WDR45B: variants seen among roughly 807,000 people sequenced by gnomAD.
The protein encoded by WDR45B is WD repeat domain phosphoinositide-interacting protein 3.
A neutral mutation model predicts 44.6 loss-of-function variants in WDR45B; 20 were observed. That is an observed-to-expected ratio of 0.45 (90% CI 0.32 to 0.65). The LOEUF (loss-of-function observed/expected upper bound fraction) is 0.65, where lower values mean the gene tolerates loss of function less well. Ranked by LOEUF, WDR45B falls within the 30% of genes least tolerant of loss-of-function variation. The pLI is 0.05. For missense variants in WDR45B, 323 were observed against 430.2 expected (o/e 0.75, Z 2.20); for synonymous variants, 169 against 164.9 (o/e 1.02, Z -0.19).
intron 2 of WDR45B, among the ~76,000 whole-genome samples, chr17:82,641,829 C>T (rs758521243): frequency 7.3e-5 from 11 of 150,122 alleles, no homozygotes; most frequent in Non-Finnish European, 1.5e-4. Flanking sequence ...ACCCGGGAGG[C>T]GGAGCTTGCA....
At chr17:82,635,121 G>A (rs77006067) in intron 2 of WDR45B, among the ~76,000 whole-genome samples, 3,618 of 151,842 alleles carry the variant, frequency 0.024, 197 homozygotes, top group African/African-American at 0.082. Flanking sequence ...TGATCTATGC[G>A]CTTAAAAATG....
At chr17:82,638,235 G>A (rs1459645332) in intron 2 of WDR45B, among the ~76,000 whole-genome samples, 1 of 2,444 alleles carries the variant, frequency 4.1e-4, no homozygotes, top group African/African-American at 1.8e-3. Flanking sequence ...GGGAGAGGAG[G>A]GGAGGGGAGG....
rs892757713 is a variant in WDR45B at position 82,648,313 on chromosome 17, C to A, written c.28G>T (p.Gly10Cys). 41 of 1,606,866 alleles carry A rather than the reference C, an allele frequency of 2.6e-5. No homozygotes were observed. The highest frequency in any genetic ancestry group is 3.3e-5 in the Non-Finnish European group (39 of 1,178,086). The stretch of plus-strand genomic sequence containing the variant: ...AAGCCGGCGTAGAGCAGCCCGTTGC[C>A]GTGAGGGTTACACGGCAGGAGGTTC... MNLLPCNPH[G>C]NGLLYAGFNQ... The change falls in exon 1 of 10, where the codon GGC becomes TGC. Residue 10 changes from glycine to cysteine, a missense_variant. Gly to Cys is a radical substitution (Grantham distance 159). Transcript: ENST00000392325.
At chr17:82,627,075 A>C in intron 4 of WDR45B, 129 bp downstream of exon 4, 1 of 830,914 alleles carries the variant, frequency 1.2e-6, no homozygotes. Context: ...CCTTATGGTC[A>C]TAAAAACCAG....
intron 5 of WDR45B, among the ~76,000 whole-genome samples, chr17:82,622,758 A>C (rs1397299381): frequency 6.6e-6 from 1 of 151,788 alleles, no homozygotes; most frequent in Non-Finnish European, 1.5e-5. Flanking sequence ...AGATTGCAAG[A>C]CTTATATTAC....
At chr17:82,623,526 C>G (rs2045648731) in intron 5 of WDR45B, among the ~76,000 whole-genome samples, 1 of 151,680 alleles carries the variant, frequency 6.6e-6, no homozygotes, top group African/African-American at 2.4e-5. Flanking sequence ...ATGGTAAAAC[C>G]CCGTCTCTAC....
intron 2 of WDR45B, among the ~76,000 whole-genome samples, chr17:82,641,256 C>G (rs1032675759): frequency 6.6e-6 from 1 of 152,110 alleles, no homozygotes; most frequent in African/African-American, 2.4e-5. Flanking sequence ...CGTGAGCCAC[C>G]GTGCGGGCCG....
intron 9 of WDR45B, 51 bp downstream of exon 9, chr17:82,616,473 G>A (rs1476259811): frequency 1.2e-6 from 2 of 1,612,112 alleles, no homozygotes; most frequent in Non-Finnish European, 1.7e-6. Context: ...CTCAGTGGAT[G>A]GAGCCCAGGT....
At chr17:82,637,378 CA>C (rs2045845895) in intron 2 of WDR45B, among the ~76,000 whole-genome samples, 1 of 151,982 alleles carries the variant, frequency 6.6e-6, no homozygotes, top group Non-Finnish European at 1.5e-5. Context: ...CTCCTCTAAT[CA>C]TGGTCTCTAT....
At chr17:82,618,821 A>G (rs913950863) in intron 7 of WDR45B, among the ~76,000 whole-genome samples, 1 of 152,254 alleles carries the variant, frequency 6.6e-6, no homozygotes, top group African/African-American at 2.4e-5. Context: ...AGGGTTAATT[A>G]TGACATTCTT....
chr17:82,633,696 A>G (rs1161818375), intron 2 of WDR45B, among the ~76,000 whole-genome samples: 1 of 152,136 alleles, frequency 6.6e-6, no homozygotes, highest in Non-Finnish European at 1.5e-5. Flanking sequence ...GCTCTGGAAA[A>G]AAGTAGGACA....
intron 2 of WDR45B, among the ~76,000 whole-genome samples, chr17:82,631,567 G>A (rs556899347): frequency 3.1e-5 from 4 of 127,132 alleles, no homozygotes; most frequent in Middle Eastern, 4.0e-3. Context: ...CTACAGACAT[G>A]AGCCACTGTG....
At chr17:82,643,684 G>T (rs2045943897) in intron 2 of WDR45B, among the ~76,000 whole-genome samples, 2 of 152,180 alleles carry the variant, frequency 1.3e-5, no homozygotes, top group South Asian at 4.1e-4. Flanking sequence ...GATGTGACAG[G>T]AAAAGGCACA....
chr17:82,647,632 C>G (rs1421186742), intron 1 of WDR45B, among the ~76,000 whole-genome samples: 1 of 151,782 alleles, frequency 6.6e-6, no homozygotes, highest in Non-Finnish European at 1.5e-5. Flanking sequence ...CCACCAAACA[C>G]GAAGAAAAAT....
At chr17:82,631,277 ATTTTTTTTTTTTT>A in intron 2 of WDR45B, among the ~76,000 whole-genome samples, 1 of 86,846 alleles carries the variant, frequency 1.2e-5, no homozygotes, top group South Asian at 4.5e-4. Context: ...TACAGGACTC[ATTTTTTTTTTTTT>A]TTTTTTTTTT....
At chr17:82,633,186 C>G (rs2143329006) in intron 2 of WDR45B, among the ~76,000 whole-genome samples, 1 of 148,158 alleles carries the variant, frequency 6.7e-6, no homozygotes, top group South Asian at 2.1e-4. Context: ...AAAAAACCAG[C>G]ACGGGCAATG....
In WDR45B at chr17:82,641,741, A is replaced by C. The variant is rs2045918806; in HGVS notation, c.142+2208T>G. 2.0e-5 allele frequency among the ~76,000 whole-genome samples: 3 copies of C among 151,812 alleles called. No individual in the cohort carries two copies. The South Asian group carries it at 6.2e-4, about 32-fold the overall frequency. On this transcript the variant is annotated intron_variant, in intron 2 of 9. Transcript: ENST00000392325. ...GAAACACCGTCTCTACCAAACATAC[A>C]AAAAAAATTAGCCAGGCGTGGTGGC...
At chr17:82,630,127 C>G (rs2143312867) in intron 3 of WDR45B, among the ~76,000 whole-genome samples, 1 of 152,266 alleles carries the variant, frequency 6.6e-6, no homozygotes, top group African/African-American at 2.4e-5. Flanking sequence ...CCTGCCTCTC[C>G]CCATAAACGG....
chr17:82,620,380 C>T (rs1410909744), intron 6 of WDR45B, among the ~76,000 whole-genome samples: 1 of 152,250 alleles, frequency 6.6e-6, no homozygotes, highest in Non-Finnish European at 1.5e-5. Flanking sequence ...TGGCAGTGAG[C>T]TGAGATCACG....
Sources: allele counts gnomAD v4.1 joint callset (sites outside exome capture counted in the v4.1 genomes callset), GRCh38; gene constraint gnomAD v4.1.1; transcripts MANE v1.5; gene names NCBI Gene and HGNC (gene_info 2026-07-23, HGNC 2026-07-21).